Variants in STOX2 observed in about 807,000 individuals in gnomAD.
The protein encoded by STOX2 is storkhead-box protein 2.
STOX2 carries 28 observed loss-of-function variants against 60.9 expected under a neutral mutation model. That is an observed-to-expected ratio of 0.46 (90% CI 0.34 to 0.63). The LOEUF is 0.63. Among genes scored for constraint, STOX2 ranks in the 30% least tolerant of loss-of-function variants. The pLI is 0.01. For synonymous variants in STOX2, 472 were observed against 463.9 expected (o/e 1.02, Z -0.22); for missense variants, 1,024 against 1,187.7 (o/e 0.86, Z 2.03).
intron 2 of STOX2, among the ~76,000 whole-genome samples, chr4:184,003,080 C>T (rs1292492946): frequency 6.6e-6 from 1 of 152,194 alleles, no homozygotes; most frequent in East Asian, 1.9e-4. Context: ...GAAACAGAAT[C>T]CCAGGTGAGA....
chr4:184,020,174 C>T lies in STOX2; in HGVS notation c.*2890C>T, dbSNP rs1315628631. 1 of 152,158 alleles carries T rather than the reference C, an allele frequency of 6.6e-6. No individual in the cohort carries two copies. Among genetic ancestry groups the T allele is most frequent in the Non-Finnish European group, 1.5e-5 (1 of 68,040 alleles). 9.4% of individuals were successfully genotyped at this position (152,158 alleles called of 1,614,324 possible). A position where few individuals can be genotyped will look rare whatever the true frequency, so the allele number is the denominator to read the frequency against. On this transcript the variant is annotated 3_prime_UTR_variant, in exon 4 of 4. Coordinates refer to ENST00000308497, the MANE Select transcript of STOX2 (RefSeq NM_020225.3). ...TTCAGAAGAGCAAAGTTGAACACTT[C>T]CTTCAACATTAGGGCATGGCGTGCT...
At chr4:183,946,850 C>T (rs1205238833) in intron 1 of STOX2, among the ~76,000 whole-genome samples, 4 of 152,168 alleles carry the variant, frequency 2.6e-5, no homozygotes, top group Admixed American at 1.3e-4. Context: ...TGGTCTCGAA[C>T]TCCTGACCTT....
At chr4:183,861,005 A>T (rs1452348587) in intron 1 of STOX2, among the ~76,000 whole-genome samples, 1 of 152,184 alleles carries the variant, frequency 6.6e-6, no homozygotes, top group Non-Finnish European at 1.5e-5. Flanking sequence ...GTGACCCTTT[A>T]TTTGGAGAAA....
intron 1 of STOX2, chr4:183,798,724 A>G: frequency 4.1e-6 from 4 of 985,440 alleles, no homozygotes; most frequent in Non-Finnish European, 4.8e-6. Context: ...GATCCTCAAC[A>G]AAAGAGAGCA....
Position 184,009,291 on chromosome 4 carries a change from A to G in STOX2, c.453A>G (p.Ile151Met), listed in dbSNP as rs749760785. ...PQTYFITPSL[I>M]RTNSKWYHLD... ...CTTATTTCATAACTCCTTCCCTCAT[A>G]AGAACTAACAGTAAATGGTACCATT... is the stretch of plus-strand genomic sequence containing the variant. The change falls in exon 3 of 4, where the codon ATA (isoleucine) becomes ATG (methionine). Residue 151 changes from isoleucine to methionine, a missense_variant. Physicochemically the swap from Ile to Met is conservative, Grantham distance 10. This residue lies in a region of STOX2 where 922 missense variants were observed against 1,058.3 expected (regional missense o/e 0.87). Coordinates refer to ENST00000308497, the MANE Select transcript of STOX2 (RefSeq NM_020225.3). This position sits in a 1 kb window ranked among gnomAD's most constrained non-coding sequence, Gnocchi z 4.0. 6.2e-7 allele frequency: 1 copy of G among 1,613,884 alleles called. No individual in the cohort carries two copies. Among genetic ancestry groups the G allele is most frequent in the Non-Finnish European group, 8.5e-7 (1 of 1,179,856 alleles).
intron 1 of STOX2, among the ~76,000 whole-genome samples, chr4:183,875,587 C>T (rs1349966453): frequency 6.6e-6 from 1 of 152,204 alleles, no homozygotes; most frequent in Non-Finnish European, 1.5e-5. Context: ...GCAGCAGTAG[C>T]TGGTGTCTCC....
upstream of STOX2, among the ~76,000 whole-genome samples, chr4:183,901,295 G>C (rs1473780850): frequency 1.3e-5 from 2 of 152,062 alleles, no homozygotes; most frequent in African/African-American, 4.8e-5. Flanking sequence ...ATTGCATTTT[G>C]CTTATCCACT....
chr4:184,001,297 C>T lies in STOX2; in HGVS notation c.167-28C>T. ...CAGATGACCGGGTCTTTTAATGAAC[C>T]ACTCACTTGAAAATTGTCTTTCTGC... On this transcript the variant is annotated intron_variant, in intron 1 of 3. Transcript: ENST00000308497. The surrounding 1 kb of genome is among the most constrained non-coding windows in gnomAD (Gnocchi z 4.2). 3.1e-6 allele frequency: 5 copies of T among 1,610,730 alleles called. No homozygotes were observed. The highest frequency in any genetic ancestry group is 4.2e-6 in the Non-Finnish European group (5 of 1,177,408).
intron 1 of STOX2, among the ~76,000 whole-genome samples, chr4:183,841,895 G>T (rs1432436382): frequency 6.6e-6 from 1 of 152,138 alleles, no homozygotes; most frequent in Non-Finnish European, 1.5e-5. Flanking sequence ...CAATTTGAAA[G>T]AGTCATTTAT....
intron 1 of STOX2, among the ~76,000 whole-genome samples, chr4:183,898,226 A>C (rs1741380335): frequency 1.3e-5 from 2 of 152,080 alleles, no homozygotes; most frequent in Non-Finnish European, 2.9e-5. Context: ...CTGTAGAAAC[A>C]CAGTATGGCG....
At chr4:183,911,195 G>A (rs927278269) in intron 1 of STOX2, among the ~76,000 whole-genome samples, 1 of 152,142 alleles carries the variant, frequency 6.6e-6, no homozygotes, top group African/African-American at 2.4e-5. Flanking sequence ...TTGGAGTCAG[G>A]TGCCTCCTGT....
intron 1 of STOX2, among the ~76,000 whole-genome samples, chr4:183,843,087 G>A (rs1259235175): frequency 2.0e-5 from 3 of 147,998 alleles, no homozygotes; most frequent in Non-Finnish European, 4.4e-5. Context: ...GGCAGAGGTT[G>A]CAGCGAGCCA....
rs180859802 is a variant in STOX2, at chr4:184,015,600, C to G, written c.2586-1489C>G. On this transcript the variant is annotated intron_variant, in intron 3 of 3. Transcript: ENST00000308497. ...TTGGTGAGAAGCAAACTCAAAGCCA[C>G]AAGGAGTTAGGCTTAAATAACCTGT... The G allele has an allele frequency of 5.3e-5, 8 of 152,212 alleles. No homozygotes were observed. In the East Asian group the frequency reaches 1.3e-3, roughly 26 times the overall value. 9.4% of individuals were successfully genotyped at this position (152,212 alleles called of 1,614,324 possible).
intron 1 of STOX2, among the ~76,000 whole-genome samples, chr4:183,985,440 C>T (rs1002981343): frequency 5.3e-5 from 8 of 152,154 alleles, no homozygotes; most frequent in African/African-American, 1.9e-4. Flanking sequence ...GTTGAAATCC[C>T]ATCTCTGCCG....
intron 1 of STOX2, among the ~76,000 whole-genome samples, chr4:183,816,838 C>A (rs1739164973): frequency 6.6e-6 from 1 of 152,134 alleles, no homozygotes; most frequent in Admixed American, 6.5e-5. Flanking sequence ...TAAAGATAGG[C>A]TCATGAAAAT....
At chr4:183,799,486 T>C (rs1366832111) in intron 1 of STOX2, among the ~76,000 whole-genome samples, 1 of 152,234 alleles carries the variant, frequency 6.6e-6, no homozygotes, top group Non-Finnish European at 1.5e-5. Flanking sequence ...TAATTTTCTT[T>C]GAAATTCGAT....
At chr4:183,805,079 C>T (rs909497348) in intron 1 of STOX2, among the ~76,000 whole-genome samples, 2 of 152,112 alleles carry the variant, frequency 1.3e-5, no homozygotes, top group African/African-American at 2.4e-5. Context: ...ATATATTTTG[C>T]GGTAAAAACC....
At chr4:183,981,960 G>T (rs997524154) in intron 1 of STOX2, among the ~76,000 whole-genome samples, 3 of 152,098 alleles carry the variant, frequency 2.0e-5, no homozygotes, top group Non-Finnish European at 4.4e-5. Flanking sequence ...ACAACAAAAC[G>T]CAAAGTGCAT....
intron 1 of STOX2, among the ~76,000 whole-genome samples, chr4:183,855,943 C>T (rs1004282513): frequency 1.3e-5 from 2 of 152,170 alleles, no homozygotes; most frequent in South Asian, 2.1e-4. Flanking sequence ...GGTGCACATT[C>T]GGAGAATGCT....
Sources: allele counts gnomAD v4.1 joint callset (sites outside exome capture counted in the v4.1 genomes callset), GRCh38; gene constraint gnomAD v4.1.1; regional missense constraint gnomAD v4.1.1; non-coding constraint Gnocchi (gnomAD v3.1); transcripts MANE v1.5; gene names NCBI Gene and HGNC (gene_info 2026-07-23, HGNC 2026-07-21).